ZNF329: variants seen among roughly 807,000 people sequenced by gnomAD.
ZNF329 encodes zinc finger protein 329.
Under a neutral mutation model 26.6 loss-of-function variants are expected in ZNF329, and 15 were observed. The ratio of observed to expected loss-of-function variants is 0.56; its 90% CI spans 0.38 to 0.87. The LOEUF (loss-of-function observed/expected upper bound fraction) is 0.87, where lower values mean the gene tolerates loss of function less well. ZNF329 is among the 40% of genes least tolerant of loss of function. ZNF329 has a pLI of 0.00. For missense variants in ZNF329, 651 were observed against 651.9 expected (o/e 1.00, Z 0.02); for synonymous variants, 239 against 233.5 (o/e 1.02, Z -0.21).
In ZNF329 at chr19:58,128,578, T is replaced by G. The variant is rs1397000451; in HGVS notation, c.926A>C (p.His309Pro). The change falls in exon 4 of 4, where the codon CAT becomes CCT. Residue 309 changes from histidine (H) to proline (P), a missense_variant. Physicochemically the swap from His to Pro is moderately conservative, Grantham distance 77. Coordinates refer to ENST00000598312, the MANE Select transcript of ZNF329 (RefSeq NM_024620.4). ...ACATCTATATGGTTTTTCCCCTGTA[T>G]GAGTTCTTTGGTGCAAAATTAAGGA... Reference protein sequence around the residue: ...NSSLILHQRTHTGEKPYRCNE... With the variant: ...NSSLILHQRTPTGEKPYRCNE... 7 of 1,613,646 alleles carry G rather than the reference T, an allele frequency of 4.3e-6. No homozygotes were observed. The Admixed American group carries it at 1.2e-4, about 27-fold the overall frequency.
intron 1 of ZNF329, among the ~76,000 whole-genome samples, chr19:58,146,209 C>T (rs951394331): frequency 1.3e-5 from 2 of 152,140 alleles, no homozygotes; most frequent in African/African-American, 4.8e-5. Flanking sequence ...CGCAGTGGCT[C>T]ACACCTGTAA....
intron 1 of ZNF329, among the ~76,000 whole-genome samples, chr19:58,147,082 C>A (rs868175182): frequency 0.033 from 4,955 of 150,924 alleles, 219 homozygotes; most frequent in African/African-American, 0.11. Flanking sequence ...CTCTGCCCGG[C>A]CGCCATCCCA....
At chr19:58,131,065 ACATAT>A (rs753686216) in intron 3 of ZNF329, among the ~76,000 whole-genome samples, 16 of 152,128 alleles carry the variant, frequency 1.1e-4, no homozygotes, top group Non-Finnish European at 2.1e-4. Flanking sequence ...ATACATACAT[ACATAT>A]ATGTCTACAT....
intron 1 of ZNF329, among the ~76,000 whole-genome samples, chr19:58,144,426 T>C (rs906714383): frequency 2.7e-5 from 4 of 146,252 alleles, no homozygotes; most frequent in Non-Finnish European, 6.0e-5. Flanking sequence ...TCTCGCTCTG[T>C]AGCTGGGCTG....
chr19:58,136,794 G>T (rs2075080095), intron 3 of ZNF329: 1 of 152,946 alleles, frequency 6.5e-6, no homozygotes, highest in African/African-American at 2.4e-5. Context: ...GCTGCCCACA[G>T]ATTTTCTTTA....
rs1415865954 is a variant in ZNF329 at position 58,133,764 on chromosome 19, C to T, written c.-8-4253G>A. Among the ~76,000 whole-genome samples the T allele has an allele frequency of 2.6e-5, 4 of 151,130 alleles. No homozygotes were observed. In the East Asian group the frequency reaches 7.7e-4, roughly 29 times the overall value. ...CTGTAATCCCAGCACTTTGGGAGGT[C>T]GAGGTGGGGGGATCACTTGAGCCCA... On this transcript the variant is annotated intron_variant, in intron 3 of 3. Coordinates refer to ENST00000598312, the MANE Select transcript of ZNF329 (RefSeq NM_024620.4).
intron 3 of ZNF329, among the ~76,000 whole-genome samples, chr19:58,142,233 G>C (rs1172157891): frequency 6.6e-6 from 1 of 152,160 alleles, no homozygotes; most frequent in Non-Finnish European, 1.5e-5. Flanking sequence ...GGAAAGATGG[G>C]GGAGTGACTG....
chr19:58,147,996 G>A (rs895967657), intron 1 of ZNF329, among the ~76,000 whole-genome samples: 349 of 152,188 alleles, frequency 2.3e-3, no homozygotes, highest in Non-Finnish European at 3.3e-3. Flanking sequence ...GATGGTTGCC[G>A]TGTCTGTGCA....
chr19:58,131,007 CTTCT>C (rs934940122), intron 3 of ZNF329, among the ~76,000 whole-genome samples: 5 of 152,222 alleles, frequency 3.3e-5, no homozygotes, highest in African/African-American at 9.6e-5. Flanking sequence ...TGTGCCCAGC[CTTCT>C]TTCTATTTTT....
At position 58,139,825 on chromosome 19, in the gene ZNF329, G is replaced by A. The variant is rs145577216; in HGVS notation, c.-9+2732C>T. Among the ~76,000 whole-genome samples, 229 of 152,238 alleles carry A rather than the reference G, an allele frequency of 1.5e-3. 2 individuals are homozygous for A. Among genetic ancestry groups the A allele is most frequent in the African/African-American group, 5.0e-3 (209 of 41,542 alleles). ...GGGAAATGCTGATCAAAACCACAGT[G>A]AGATGCCACTTTACACTCACTAGTA... On this transcript the variant is annotated intron_variant, in intron 3 of 3. Transcript: ENST00000598312.
chr19:58,148,514 G>A (rs77319910), intron 1 of ZNF329, among the ~76,000 whole-genome samples: 28 of 144,110 alleles, frequency 1.9e-4, no homozygotes, highest in African/African-American at 3.0e-4. Context: ...AAAAAAAAAA[G>A]TATACTTGGG....
At chr19:58,153,376 C>T (rs926347849), upstream of ZNF329, among the ~76,000 whole-genome samples, 3 of 152,190 alleles carry the variant, frequency 2.0e-5, no homozygotes, top group Non-Finnish European at 2.9e-5. Context: ...TCCCAAAGTG[C>T]TGGGATGACA....
intron 3 of ZNF329, among the ~76,000 whole-genome samples, chr19:58,141,884 C>G (rs1047459142): frequency 6.7e-6 from 1 of 150,212 alleles, no homozygotes; most frequent in African/African-American, 2.5e-5. Flanking sequence ...CAAGAGCGAA[C>G]CTCCATCTCA....
intron 3 of ZNF329, among the ~76,000 whole-genome samples, chr19:58,135,360 T>G (rs1244528812): frequency 6.6e-6 from 1 of 152,054 alleles, no homozygotes; most frequent in Non-Finnish European, 1.5e-5. Flanking sequence ...AACCTCTACC[T>G]CCCGGGTTCA....
chr19:58,147,629 G>A lies in ZNF329; in HGVS notation c.-208+3123C>T, dbSNP rs564646381. Among the ~76,000 whole-genome samples, 158 of 145,054 alleles carry A rather than the reference G, an allele frequency of 1.1e-3. 12 individuals carry two copies. Among genetic ancestry groups the A allele is most frequent in the African/African-American group, 3.9e-3 (143 of 37,026 alleles). ...AGCCCTCCGCCTGGCCAGACGCCCCGTCCAGGAGGGAGGTGGGGGGCCAGC... is the reference window on the plus strand; with the variant it reads ...AGCCCTCCGCCTGGCCAGACGCCCCATCCAGGAGGGAGGTGGGGGGCCAGC... On this transcript the variant is annotated intron_variant, in intron 1 of 3. Transcript: ENST00000598312.
intron 3 of ZNF329, among the ~76,000 whole-genome samples, chr19:58,135,607 AG>A (rs1332241731): frequency 2.0e-5 from 3 of 152,226 alleles, no homozygotes; most frequent in Non-Finnish European, 4.4e-5. Context: ...ATGAAAACGC[AG>A]AAGAATGGAA....
intron 3 of ZNF329, among the ~76,000 whole-genome samples, 164 bp from the exon 4 acceptor site, chr19:58,129,675 G>C (rs2074894047): frequency 1.3e-5 from 2 of 152,104 alleles, no homozygotes; most frequent in African/African-American, 4.8e-5. Flanking sequence ...CCAAGGAATG[G>C]AACCAAGAAC....
At chr19:58,153,254 C>A (rs988473333), upstream of ZNF329, among the ~76,000 whole-genome samples, 1 of 152,110 alleles carries the variant, frequency 6.6e-6, no homozygotes, top group African/African-American at 2.4e-5. Flanking sequence ...GGATTACATG[C>A]GCACACCACC....
At chr19:58,130,698 G>C (rs573282839) in intron 3 of ZNF329, among the ~76,000 whole-genome samples, 1 of 150,600 alleles carries the variant, frequency 6.6e-6, no homozygotes, top group African/African-American at 2.4e-5. Flanking sequence ...AAAAAAACTG[G>C]ATCATGTACA....
Sources: allele counts gnomAD v4.1 joint callset (sites outside exome capture counted in the v4.1 genomes callset), GRCh38; gene constraint gnomAD v4.1.1; transcripts MANE v1.5; gene names NCBI Gene and HGNC (gene_info 2026-07-23, HGNC 2026-07-21).